The following MAP4 variants were observed in gnomAD, a reference collection of about 807,000 sequenced individuals.
MAP4 encodes the protein microtubule associated protein 4, also known as microtubule-associated protein 4.
Under a neutral mutation model 170.2 loss-of-function variants are expected in MAP4, and 76 were observed. The ratio of observed to expected loss-of-function variants is 0.45; its 90% CI spans 0.37 to 0.54. The LOEUF is 0.54. Ranked by LOEUF, MAP4 falls within the 20% of genes least tolerant of loss-of-function variation. MAP4 has a pLI of 0.00. For missense variants in MAP4, 2,506 were observed against 2,748.0 expected (o/e 0.91, Z 1.97); for synonymous variants, 909 against 994.5 (o/e 0.91, Z 1.62).
chr3:47,892,589 T>C, intron 10 of MAP4: 1 of 1,429,400 alleles, frequency 7.0e-7, no homozygotes, highest in Non-Finnish European at 9.1e-7. Flanking sequence ...AATTCCCCAG[T>C]ATTCATGACA....
At chr3:48,065,769 A>G (rs1414719926) in intron 1 of MAP4, among the ~76,000 whole-genome samples, 1 of 152,180 alleles carries the variant, frequency 6.6e-6, no homozygotes, top group Non-Finnish European at 1.5e-5. Flanking sequence ...TACCTGACAG[A>G]TATTAACACC....
intron 1 of MAP4, among the ~76,000 whole-genome samples, chr3:48,007,714 C>A (rs2154415332): frequency 6.6e-6 from 1 of 150,822 alleles, no homozygotes; most frequent in African/African-American, 2.5e-5. Context: ...CACTCTGTTG[C>A]CAAACTGGAG....
At chr3:48,046,960 G>A (rs984704066) in intron 1 of MAP4, among the ~76,000 whole-genome samples, 1 of 152,020 alleles carries the variant, frequency 6.6e-6, no homozygotes, top group Non-Finnish European at 1.5e-5. Flanking sequence ...CGGGCGTGGT[G>A]GCAGGCGCCT....
At chr3:48,054,564 A>G (rs1186657311) in intron 1 of MAP4, among the ~76,000 whole-genome samples, 3 of 139,920 alleles carry the variant, frequency 2.1e-5, no homozygotes, top group Admixed American at 7.9e-5. Flanking sequence ...CGAGAGGCAG[A>G]GGTTGCAGTG....
intron 1 of MAP4, among the ~76,000 whole-genome samples, chr3:48,043,638 G>A (rs1263398866): frequency 6.6e-6 from 1 of 152,148 alleles, no homozygotes; most frequent in East Asian, 1.9e-4. Context: ...AACATACTTT[G>A]TTAGAGATGC....
chr3:47,883,471 C>T (rs1355669043), intron 10 of MAP4, among the ~76,000 whole-genome samples: 1 of 152,166 alleles, frequency 6.6e-6, no homozygotes, highest in Non-Finnish European at 1.5e-5. Context: ...ATGATCCACC[C>T]GCCTTGGCCT....
intron 3 of MAP4, among the ~76,000 whole-genome samples, chr3:47,943,949 C>T (rs972010677): frequency 6.6e-6 from 1 of 152,038 alleles, no homozygotes; most frequent in South Asian, 2.1e-4. Flanking sequence ...TCCTACAACA[C>T]TTGATTTATT....
intron 1 of MAP4, among the ~76,000 whole-genome samples, chr3:48,029,087 G>C (rs1466204523): frequency 6.6e-6 from 1 of 151,824 alleles, no homozygotes; most frequent in Admixed American, 6.6e-5. Context: ...TTGAGGATGA[G>C]TGAGTCGAAA....
chr3:47,904,303 G>C (rs2100031663), intron 9 of MAP4, among the ~76,000 whole-genome samples: 1 of 152,052 alleles, frequency 6.6e-6, no homozygotes, highest in South Asian at 2.1e-4. Context: ...TCAATAGGTG[G>C]TAGGTGCTAT....
Position 47,872,000 on chromosome 3 carries a change from G to C in MAP4, c.5858C>G (p.Ala1953Gly), listed in dbSNP as rs369799584. 2.0e-5 allele frequency: 33 copies of C among 1,613,966 alleles called. 1 individual carries two copies. Among genetic ancestry groups the C allele is most frequent in the South Asian group, 1.9e-4 (17 of 91,088 alleles). ...RSGSKSTQTV[A>G]KTTTAAAVAS... Reference sequence around the variant, plus strand: ...AACAGCAGCAGCTGTTGTGGTTTTTGCAACAGTCTGAGTGCTCTTGGACCC... The same window carrying C: ...AACAGCAGCAGCTGTTGTGGTTTTTCCAACAGTCTGAGTGCTCTTGGACCC... Residue 1953 changes from alanine to glycine, a missense_variant, in exon 13 of 21, where the codon GCA becomes GGA. By Grantham distance (60) the Ala-to-Gly change is moderately conservative. Around this residue, in one of 3 missense-constraint regions of MAP4, gnomAD observed 487 missense variants for 511.6 expected, o/e 0.95. Coordinates refer to ENST00000683076, the MANE Select transcript of MAP4 (RefSeq NM_001385682.1).
At chr3:47,955,336 T>G (rs1400169391) in intron 3 of MAP4, among the ~76,000 whole-genome samples, 1 of 152,024 alleles carries the variant, frequency 6.6e-6, no homozygotes, top group Non-Finnish European at 1.5e-5. Context: ...TTTACGTGCC[T>G]ATGAATCTAG....
chr3:47,896,373 T>C (rs1383899487), intron 10 of MAP4, among the ~76,000 whole-genome samples: 2 of 151,246 alleles, frequency 1.3e-5, no homozygotes, highest in Non-Finnish European at 2.9e-5. Context: ...CTACTAAAAA[T>C]ACAAAATTAG....
chr3:47,952,276 C>T (rs920786488), intron 3 of MAP4, among the ~76,000 whole-genome samples: 5 of 150,082 alleles, frequency 3.3e-5, no homozygotes, highest in East Asian at 2.0e-4. Context: ...TCAGCCCCCC[C>T]GCCCGGCCAG....
Position 47,910,399 on chromosome 3 carries a change from G to A in MAP4, c.4022C>T (p.Ser1341Phe), listed in dbSNP as rs1373242915. ...GGCTGCATCTGTCTTATTCTCCTCA[G>A]ATACTACTGAAGGAACAAATCCTGC... is the stretch of plus-strand genomic sequence containing the variant. ...QGAGFVPSVVSEENKTDAANR... is the reference protein window; with the variant it reads ...QGAGFVPSVVFEENKTDAANR... Residue 1341 changes from serine to phenylalanine, a missense_variant, in exon 9 of 21, where the codon TCT becomes TTT. By Grantham distance (155) the Ser-to-Phe change is radical (BLOSUM62 -2). Coordinates refer to ENST00000683076, the MANE Select transcript of MAP4 (RefSeq NM_001385682.1). 1 of 1,536,726 alleles carries A rather than the reference G, an allele frequency of 6.5e-7. No homozygotes were observed. The highest frequency in any genetic ancestry group is 1.7e-4 in the Middle Eastern group (1 of 5,990).
At chr3:48,075,157 A>G (rs145762788) in intron 1 of MAP4, among the ~76,000 whole-genome samples, 2 of 152,354 alleles carry the variant, frequency 1.3e-5, no homozygotes, top group Non-Finnish European at 2.9e-5. Context: ...AGTAGCAGAT[A>G]GTAGTACCAC....
chr3:47,982,479 A>T (rs549377933), intron 2 of MAP4, among the ~76,000 whole-genome samples: 1 of 152,344 alleles, frequency 6.6e-6, no homozygotes, highest in Non-Finnish European at 1.5e-5. Context: ...CTATATATTT[A>T]GAAGCATTTG....
chr3:47,975,961 T>C (rs1356683968), intron 3 of MAP4, among the ~76,000 whole-genome samples: 4 of 152,176 alleles, frequency 2.6e-5, no homozygotes, highest in African/African-American at 9.7e-5. Flanking sequence ...AGCTAATTTT[T>C]GTATTTTTAG....
chr3:48,088,632 T>TCGCAGGCCGGCGGCCACCGCCC (rs1161726963), intron 1 of MAP4: 1 of 151,948 alleles, frequency 6.6e-6, no homozygotes, highest in African/African-American at 2.4e-5. Flanking sequence ...CCCCCGCGTC[T>TCGCAGGCCGGCGGCCACCGCCC]CGCAGGCCGG....
At position 47,917,979 on chromosome 3, in the gene MAP4, C is replaced by G. The variant is rs551550706; in HGVS notation, c.652+740G>C. ...CCTAGTAGCTGGGATTATAGGTACA[C>G]GCCACCACGCTGAGCTTATTTATTT... On this transcript the variant is annotated intron_variant, in intron 6 of 20. Transcript: ENST00000683076. 2.6e-5 allele frequency among the ~76,000 whole-genome samples: 4 copies of G among 151,964 alleles called. No homozygotes were observed. In the South Asian group the frequency reaches 8.3e-4, roughly 32 times the overall value.
Sources: gnomAD v4.1 joint callset for allele counts (sites outside exome capture counted in the v4.1 genomes callset) on GRCh38, gnomAD v4.1.1 for gene constraint, gnomAD v4.1.1 regional missense constraint, MANE v1.5 for transcripts, NCBI Gene and HGNC (gene_info 2026-07-23, HGNC 2026-07-21) for gene names.